RGL1: variants seen among roughly 807,000 people sequenced by gnomAD.
The protein encoded by RGL1 is ral guanine nucleotide dissociation stimulator-like 1.
RGL1 carries 24 observed loss-of-function variants against 95.2 expected under a neutral mutation model. The ratio of observed to expected loss-of-function variants is 0.25; its 90% CI spans 0.18 to 0.35. The LOEUF is 0.35. Among genes scored for constraint, RGL1 ranks in the 10% least tolerant of loss-of-function variants. The pLI is 1.00. For synonymous variants in RGL1, 329 were observed against 344.9 expected, an observed-to-expected ratio of 0.95 and a Z score of 0.51; for missense variants, 715 against 936.3, an observed-to-expected ratio of 0.76 and a Z score of 3.08.
chr1:183,914,935 A>G (rs1668870060), intron 15 of RGL1, among the ~76,000 whole-genome samples: 1 of 152,210 alleles, frequency 6.6e-6, no homozygotes, highest in Non-Finnish European at 1.5e-5. Context: ...CTATTAACTT[A>G]TCTATCATCA....
upstream of RGL1, chr1:183,805,103 C>T: frequency 1.8e-6 from 1 of 557,172 alleles, no homozygotes; most frequent in African/African-American, 2.0e-5. Flanking sequence ...TGCTCGCTCG[C>T]TCGCCGCGCT....
intron 2 of RGL1, among the ~76,000 whole-genome samples, chr1:183,788,957 C>G (rs1317393173): frequency 1.3e-5 from 2 of 152,168 alleles, no homozygotes; most frequent in African/African-American, 4.8e-5. Context: ...ATTAATTCTG[C>G]CTCATCTTTT....
intron 1 of RGL1, among the ~76,000 whole-genome samples, chr1:183,680,469 G>C (rs1312091538): frequency 6.6e-6 from 1 of 151,534 alleles, no homozygotes; most frequent in Non-Finnish European, 1.5e-5. Flanking sequence ...TTATTAAATA[G>C]GGAATCCTTT....
At chr1:183,764,918 A>G (rs960404951) in intron 2 of RGL1, among the ~76,000 whole-genome samples, 1 of 152,240 alleles carries the variant, frequency 6.6e-6, no homozygotes, top group Non-Finnish European at 1.5e-5. Context: ...ATCATTGTCC[A>G]TATAGGCTCT....
intron 4 of RGL1, among the ~76,000 whole-genome samples, chr1:183,876,529 A>G (rs1317667955): frequency 6.6e-6 from 1 of 152,264 alleles, no homozygotes; most frequent in Non-Finnish European, 1.5e-5. Context: ...TGGAAAAGGA[A>G]GTCACATACT....
At chr1:183,820,989 T>C (rs1215701775) in intron 2 of RGL1, among the ~76,000 whole-genome samples, 2 of 151,888 alleles carry the variant, frequency 1.3e-5, no homozygotes, top group Admixed American at 1.3e-4. Flanking sequence ...AAAAATTAGC[T>C]GGGCGTGGTG....
At chr1:183,840,258 A>G (rs1663954516) in intron 2 of RGL1, among the ~76,000 whole-genome samples, 1 of 152,200 alleles carries the variant, frequency 6.6e-6, no homozygotes. Flanking sequence ...GGTTAGAGCA[A>G]TATTTCCAGG....
chr1:183,898,678 CT>C (rs1438416497), intron 10 of RGL1, among the ~76,000 whole-genome samples: 1 of 152,102 alleles, frequency 6.6e-6, no homozygotes, highest in East Asian at 1.9e-4. Flanking sequence ...GTGTTACAAA[CT>C]TTTTTGGTTG....
chr1:183,794,659 T>C (rs896636950), intron 2 of RGL1, among the ~76,000 whole-genome samples: 1 of 152,232 alleles, frequency 6.6e-6, no homozygotes, highest in Admixed American at 6.5e-5. Flanking sequence ...TTACCTGAAC[T>C]ATATGGTCCA....
intron 1 of RGL1, among the ~76,000 whole-genome samples, chr1:183,700,115 C>T (rs1654495845): frequency 6.6e-6 from 1 of 152,192 alleles, no homozygotes; most frequent in African/African-American, 2.4e-5. Flanking sequence ...CTTCCCACTC[C>T]TACCCTCAAC....
intron 2 of RGL1, among the ~76,000 whole-genome samples, chr1:183,837,220 A>G (rs1026317649): frequency 6.6e-6 from 1 of 152,208 alleles, no homozygotes; most frequent in African/African-American, 2.4e-5. Context: ...GCATGCTGGG[A>G]AAGCTTCTGG....
At chr1:183,851,863 G>C (rs1664844247) in intron 3 of RGL1, among the ~76,000 whole-genome samples, 1 of 152,150 alleles carries the variant, frequency 6.6e-6, no homozygotes, top group Non-Finnish European at 1.5e-5. Context: ...ATTGGTTGTT[G>C]AGACTTTTAA....
Position 183,924,789 on chromosome 1 carries a change from C to CA in RGL1, c.2120-1309dup, listed in dbSNP as rs1371252993. Among the ~76,000 whole-genome samples, 5 of 95,646 alleles carry CA rather than the reference C, an allele frequency of 5.2e-5. No homozygotes were observed. In the Admixed American group the frequency reaches 5.2e-4, roughly 10 times the overall value. 62.7% of individuals were successfully genotyped at this position (95,646 alleles called of 152,430 possible). On this transcript the variant is annotated intron_variant, in intron 17 of 17. Transcript: ENST00000360851. ...GTGAAACCCGCCTCTACTAAAAATACAAAAAAATACAAAAAAAAAAAAAAA... is the reference window on the plus strand; with the variant it reads ...GTGAAACCCGCCTCTACTAAAAATACAAAAAAAATACAAAAAAAAAAAAAAA...
intron 3 of RGL1, among the ~76,000 whole-genome samples, chr1:183,851,043 CTTTTCTT>C (rs887808183): frequency 8.2e-4 from 125 of 152,236 alleles, no homozygotes; most frequent in Middle Eastern, 3.4e-3. Flanking sequence ...TTTTTTAAAT[CTTTTCTT>C]TGTTCTATTA....
intron 2 of RGL1, among the ~76,000 whole-genome samples, chr1:183,744,305 C>T (rs1019782281): frequency 2.3e-5 from 3 of 132,338 alleles, no homozygotes; most frequent in East Asian, 3.0e-4. Flanking sequence ...GATATACTTG[C>T]ACAACAGACT....
At chr1:183,869,527 TG>T (rs1666038066) in intron 4 of RGL1, among the ~76,000 whole-genome samples, 1 of 152,220 alleles carries the variant, frequency 6.6e-6, no homozygotes, top group South Asian at 2.1e-4. Context: ...TATCTTATAA[TG>T]GGTCGCTCTG....
intron 1 of RGL1, among the ~76,000 whole-genome samples, chr1:183,659,981 A>G (rs1572237727): frequency 2.0e-5 from 3 of 151,646 alleles, no homozygotes; most frequent in East Asian, 1.9e-4. Flanking sequence ...AAGGAGAAAT[A>G]AAATACTTTA....
In RGL1 at chr1:183,902,568, G is replaced by T; in HGVS notation, c.1318G>T (p.Gly440Cys). 1 of 1,610,026 alleles carries T rather than the reference G, an allele frequency of 6.2e-7. No homozygotes were observed. Among genetic ancestry groups the T allele is most frequent in the Non-Finnish European group, 8.5e-7 (1 of 1,178,470 alleles). Residue 440 changes from glycine (G) to cysteine (C), a missense_variant and splice_region_variant, in exon 12 of 18, where the codon GGT (glycine) becomes TGT (cysteine). Gly to Cys is a radical substitution (Grantham distance 159). Around this residue, in one of 3 missense-constraint regions of RGL1, gnomAD observed 330 missense variants for 429.6 expected, o/e 0.77. Transcript: ENST00000360851. ...CTCTTTTTATTAAAATTTCTTTTAG[G>T]GTGGACTGATAAACTTTGAGAAAAG... ...LDTALQDYIE[G>C]GLINFEKRRR...
intron 2 of RGL1, among the ~76,000 whole-genome samples, chr1:183,780,673 C>T (rs1350257430): frequency 6.6e-6 from 1 of 152,206 alleles, no homozygotes; most frequent in Non-Finnish European, 1.5e-5. Context: ...AAAGCCTCTA[C>T]ATGTGTCACA....
Sources: gnomAD v4.1 joint callset for allele counts (sites outside exome capture counted in the v4.1 genomes callset) on GRCh38, gnomAD v4.1.1 for gene constraint, gnomAD v4.1.1 regional missense constraint, MANE v1.5 for transcripts, NCBI Gene and HGNC (gene_info 2026-07-23, HGNC 2026-07-21) for gene names.